The following TSC22D1 variants were observed in gnomAD, a reference collection of about 807,000 sequenced individuals.
The protein encoded by TSC22D1 is TSC22 domain family protein 1.
TSC22D1 carries 9 observed loss-of-function variants against 74.2 expected under a neutral mutation model. The observed-to-expected ratio is 0.12, with a 90% confidence interval of 0.07 to 0.21. TSC22D1 has a LOEUF of 0.21. TSC22D1 is among the 10% of genes least tolerant of loss of function. The probability of loss-of-function intolerance (pLI) is 1.00; values close to 1 mark genes in which losing one functional copy is unlikely to be tolerated. For synonymous variants in TSC22D1, 586 were observed against 492.5 expected, an observed-to-expected ratio of 1.19 and a Z score of -2.51; for missense variants, 1,427 against 1,304.7, an observed-to-expected ratio of 1.09 and a Z score of -1.44.
intron 1 of TSC22D1, among the ~76,000 whole-genome samples, chr13:44,536,392 G>T (rs931820583): frequency 6.6e-6 from 1 of 151,812 alleles, no homozygotes; most frequent in Admixed American, 6.6e-5. Flanking sequence ...AATTGTTCCT[G>T]TGGCTTCAAT....
At chr13:44,571,276 T>A (rs905918434) in intron 1 of TSC22D1, among the ~76,000 whole-genome samples, 1 of 152,230 alleles carries the variant, frequency 6.6e-6, no homozygotes, top group Non-Finnish European at 1.5e-5. Context: ...TTCCATAATT[T>A]CCACCTTATT....
At chr13:44,498,562 A>G (rs1879080088) in intron 1 of TSC22D1, among the ~76,000 whole-genome samples, 1 of 152,118 alleles carries the variant, frequency 6.6e-6, no homozygotes, top group Non-Finnish European at 1.5e-5. Flanking sequence ...TTATTTTCTA[A>G]TCAACTAGAT....
At chr13:44,483,353 G>C (rs1299711586) in intron 1 of TSC22D1, among the ~76,000 whole-genome samples, 1 of 152,090 alleles carries the variant, frequency 6.6e-6, no homozygotes, top group East Asian at 1.9e-4. Flanking sequence ...TAGGAAATTT[G>C]CCATTGCTAC....
upstream of TSC22D1, among the ~76,000 whole-genome samples, chr13:44,576,783 G>A (rs1204025997): frequency 1.3e-5 from 2 of 151,322 alleles, no homozygotes; most frequent in Admixed American, 1.3e-4. Flanking sequence ...CCAGCAACGA[G>A]GCGCGGGCGG....
At chr13:44,451,558 A>G (rs1235447358) in intron 1 of TSC22D1, 1 of 152,240 alleles carries the variant, frequency 6.6e-6, no homozygotes, top group Non-Finnish European at 1.5e-5. Flanking sequence ...AAATGGGTCG[A>G]CATGCTAGTA....
chr13:44,438,677 T>C (rs1457562037), intron 1 of TSC22D1, among the ~76,000 whole-genome samples: 1 of 152,066 alleles, frequency 6.6e-6, no homozygotes, highest in Non-Finnish European at 1.5e-5. Context: ...TTACATATAT[T>C]AACTCATATG....
intron 1 of TSC22D1, among the ~76,000 whole-genome samples, chr13:44,517,176 G>C (rs1291394777): frequency 6.6e-6 from 1 of 152,098 alleles, no homozygotes; most frequent in African/African-American, 2.4e-5. Context: ...GGAAATAATG[G>C]AAACGGACCT....
At chr13:44,541,696 C>A (rs1026439617) in intron 1 of TSC22D1, among the ~76,000 whole-genome samples, 1 of 152,016 alleles carries the variant, frequency 6.6e-6, no homozygotes, top group African/African-American at 2.4e-5. Flanking sequence ...AAGAAAGGAG[C>A]ACAGATTAGA....
chr13:44,548,575 T>C (rs1225203758), intron 1 of TSC22D1, among the ~76,000 whole-genome samples: 1 of 152,132 alleles, frequency 6.6e-6, no homozygotes, highest in East Asian at 1.9e-4. Flanking sequence ...ACCTAAGAAA[T>C]AGGGAATTTT....
Position 44,573,887 on chromosome 13 carries a change from C to A in TSC22D1, c.2188G>T (p.Ala730Ser), listed in dbSNP as rs1192898172. The A allele has an allele frequency of 6.2e-7, 1 of 1,614,082 alleles. No homozygotes were observed. The highest frequency in any genetic ancestry group is 8.5e-7 in the Non-Finnish European group (1 of 1,180,048). Residue 730 changes from alanine (A) to serine (S), a missense_variant, in exon 1 of 3, where the codon GCA (alanine) becomes TCA (serine). By Grantham distance (99) the Ala-to-Ser change is moderately conservative (BLOSUM62 1). Transcript: ENST00000458659. ...ATGTTTGCTTGCTGACCAATATTTG[C>A]AATCTGACTGCCAGTAGGTACAGCA... ...VSAVPTGSQI[A>S]NIGQQANIPT...
intron 1 of TSC22D1, among the ~76,000 whole-genome samples, chr13:44,479,594 C>T (rs1048303472): frequency 1.3e-5 from 2 of 152,044 alleles, no homozygotes; most frequent in Admixed American, 1.3e-4. Context: ...GTAAAAGCAA[C>T]TAAACAAAAA....
At chr13:44,459,740 C>T (rs1430180607) in intron 1 of TSC22D1, among the ~76,000 whole-genome samples, 1 of 152,212 alleles carries the variant, frequency 6.6e-6, no homozygotes, top group Non-Finnish European at 1.5e-5. Context: ...CCCCGGTGCC[C>T]ACAGTGGAAG....
chr13:44,573,947 C>T lies in TSC22D1; in HGVS notation c.2128G>A (p.Val710Ile). ...GCCGGAGCCTGGCCAACAGGCTGGA[C>T]AGATGCCCCTGCAGGTTGTGCTGGG... ...AVPAQPAGAS[V>I]QPVGQAPAAV... is the part of the protein sequence containing the mutation. The change falls in exon 1 of 3, where the codon GTC becomes ATC. Residue 710 changes from valine to isoleucine, a missense_variant. Val to Ile is a conservative substitution (Grantham distance 29). Around this residue, in one of 3 missense-constraint regions of TSC22D1, gnomAD observed 1,343 missense variants for 1,191.5 expected, o/e 1.13. Transcript: ENST00000458659. 6.2e-7 allele frequency: 1 copy of T among 1,614,140 alleles called. No individual in the cohort carries two copies. The highest frequency in any genetic ancestry group is 8.5e-7 in the Non-Finnish European group (1 of 1,180,040).
At chr13:44,437,716 G>C (rs1413066053) in intron 1 of TSC22D1, among the ~76,000 whole-genome samples, 2 of 152,308 alleles carry the variant, frequency 1.3e-5, no homozygotes, top group East Asian at 3.9e-4. Context: ...TTTGCAAGCT[G>C]AGTGACAATT....
chr13:44,551,054 G>A lies in TSC22D1; in HGVS notation c.2912+22109C>T, dbSNP rs531717019. Among the ~76,000 whole-genome samples, 140 of 151,922 alleles carry A rather than the reference G, an allele frequency of 9.2e-4. 1 individual carries two copies. The South Asian group carries it at 0.029, about 31-fold the overall frequency. Reference sequence around the variant, plus strand: ...CTTGGGGAAATTGAGGCTGCAGTGAGCTGTGATTGCACCACTGTACTCCAG... The same window carrying A: ...CTTGGGGAAATTGAGGCTGCAGTGAACTGTGATTGCACCACTGTACTCCAG... On this transcript the variant is annotated intron_variant, in intron 1 of 2. Transcript: ENST00000458659.
chr13:44,434,038 AT>A lies in TSC22D1; in HGVS notation c.*587del. ...GCCTAGGTCCCAGCTACCTGTCACC[AT>A]TTTGTCACTCTCATAGTTTTGTGTC... On this transcript the variant is annotated 3_prime_UTR_variant, in exon 3 of 3. Coordinates refer to ENST00000458659, the MANE Select transcript of TSC22D1 (RefSeq NM_183422.4). 2 of 1,533,718 alleles carry A rather than the reference AT, an allele frequency of 1.3e-6. No homozygotes were observed. The highest frequency in any genetic ancestry group is 1.7e-6 in the Non-Finnish European group (2 of 1,146,434).
chr13:44,436,399 A>T, intron 1 of TSC22D1: 1 of 1,378,306 alleles, frequency 7.3e-7, no homozygotes, highest in Non-Finnish European at 1.0e-6. Flanking sequence ...ATGTCACCAT[A>T]ATCTCTCAGC....
intron 1 of TSC22D1, among the ~76,000 whole-genome samples, chr13:44,495,389 ACCTGC>A (rs1878926975): frequency 6.6e-6 from 1 of 152,072 alleles, no homozygotes; most frequent in South Asian, 2.1e-4. Context: ...TCCCTAGTAG[ACCTGC>A]CCTACAAGTG....
At chr13:44,521,097 T>C (rs1880292484) in intron 1 of TSC22D1, among the ~76,000 whole-genome samples, 2 of 152,150 alleles carry the variant, frequency 1.3e-5, no homozygotes, top group South Asian at 4.1e-4. Flanking sequence ...AAAAGCTCAG[T>C]GCGCTAAAAG....
Sources: allele counts gnomAD v4.1 joint callset (sites outside exome capture counted in the v4.1 genomes callset), GRCh38; gene constraint gnomAD v4.1.1; regional missense constraint gnomAD v4.1.1; transcripts MANE v1.5; gene names NCBI Gene and HGNC (gene_info 2026-07-23, HGNC 2026-07-21).